AGBL1: variants seen among roughly 807,000 people sequenced by gnomAD.
AGBL1 encodes the protein cytosolic carboxypeptidase 4.
AGBL1 carries 130 observed loss-of-function variants against 118.9 expected under a neutral mutation model. That is an observed-to-expected ratio of 1.09 (90% CI 0.95 to 1.26). The LOEUF (loss-of-function observed/expected upper bound fraction) is 1.26. Among genes scored for constraint, AGBL1 ranks in the 50% most tolerant of loss-of-function variants. The pLI is 0.00. For missense variants in AGBL1, 1,584 were observed against 1,298.1 expected (o/e 1.22, Z -3.38); for synonymous variants, 555 against 478.9 (o/e 1.16, Z -2.08).
rs541617098 is a variant in AGBL1 at position 87,009,662 on chromosome 15, G to C, written c.3324-19163G>C. ...CACTCAATGCCAGCCCACAAAAGCA[G>C]CTGGGAGGGAGGCTCTACCCTGTGA... On this transcript the variant is annotated intron_variant, in intron 24 of 24. Coordinates refer to the AGBL1 transcript ENST00000441037. Among the ~76,000 whole-genome samples the C allele has an allele frequency of 1.5e-3, 229 of 152,320 alleles. 1 individual carries two copies. Among genetic ancestry groups the C allele is most frequent in the African/African-American group, 5.3e-3 (220 of 41,578 alleles).
At chr15:86,868,982 G>C (rs975376156) in intron 22 of AGBL1, among the ~76,000 whole-genome samples, 2 of 152,264 alleles carry the variant, frequency 1.3e-5, no homozygotes, top group Admixed American at 6.5e-5. Context: ...CCAATTCAAG[G>C]CCTTTAAATC....
chr15:86,248,035 A>G (rs1031901803), intron 7 of AGBL1, among the ~76,000 whole-genome samples, 156 bp downstream of exon 7: 12 of 152,216 alleles, frequency 7.9e-5, no homozygotes, highest in African/African-American at 2.7e-4. Context: ...GCTTCATTCC[A>G]GGCCAGGCCC....
chr15:86,417,318 T>TATG (rs1255279163), intron 18 of AGBL1, among the ~76,000 whole-genome samples: 1 of 152,198 alleles, frequency 6.6e-6, no homozygotes, highest in African/African-American at 2.4e-5. Context: ...TACCCTCATA[T>TATG]CACCTCTATA....
chr15:86,533,692 G>A (rs1409092070), intron 19 of AGBL1, among the ~76,000 whole-genome samples: 7 of 126,556 alleles, frequency 5.5e-5, no homozygotes, highest in African/African-American at 2.6e-4. Flanking sequence ...ATTCACAATA[G>A]CAAAGACTTG....
At chr15:87,013,503 A>ATAATC (rs1407014593) in intron 24 of AGBL1, among the ~76,000 whole-genome samples, 1 of 148,810 alleles carries the variant, frequency 6.7e-6, no homozygotes, top group Non-Finnish European at 1.5e-5. Flanking sequence ...GAGCAAAATA[A>ATAATC]TAATCTATTT....
At chr15:86,246,898 C>A (rs936427155) in intron 6 of AGBL1, among the ~76,000 whole-genome samples, 3 of 130,934 alleles carry the variant, frequency 2.3e-5, no homozygotes, top group African/African-American at 8.5e-5. Context: ...CAAATGACAA[C>A]CTCCGGGTCC....
At chr15:86,292,083 G>C (rs1046042386) in intron 16 of AGBL1, among the ~76,000 whole-genome samples, 2 of 152,148 alleles carry the variant, frequency 1.3e-5, no homozygotes, top group Non-Finnish European at 2.9e-5. Context: ...GCAGAATAAT[G>C]GACCTCCAAA....
At chr15:86,986,016 C>T (rs543782223) in intron 23 of AGBL1, among the ~76,000 whole-genome samples, 88 of 151,968 alleles carry the variant, frequency 5.8e-4, no homozygotes, top group Non-Finnish European at 9.3e-4. Context: ...TTCTGTCCCC[C>T]GGTTTCAAGC....
chr15:86,468,664 G>A (rs1449229981), intron 18 of AGBL1, among the ~76,000 whole-genome samples: 2 of 152,138 alleles, frequency 1.3e-5, no homozygotes, highest in Non-Finnish European at 2.9e-5. Flanking sequence ...TAAGGCTCCT[G>A]TGCTTATTAA....
rs1390873309 is a variant in AGBL1 at position 86,613,003 on chromosome 15, C to G, written c.2994+58466C>G. 6.6e-6 allele frequency among the ~76,000 whole-genome samples: 1 copy of G among 152,134 alleles called. No homozygotes were observed. Among genetic ancestry groups the G allele is most frequent in the Non-Finnish European group, 1.5e-5 (1 of 68,042 alleles). ...CCTTTCCAGGCCAAACCAATGTATA[C>G]CTTACATATAATGATTCATGTCTTT... On this transcript the variant is annotated intron_variant, in intron 21 of 22. Coordinates refer to ENST00000614907, the MANE Select transcript of AGBL1 (RefSeq NM_001386094.1). This position sits in a 1 kb window ranked among gnomAD's most constrained non-coding sequence, Gnocchi z 4.2.
chr15:86,827,443 GTGTGTGTATATA>G lies in AGBL1; in HGVS notation c.3159-79642_3159-79631del, dbSNP rs1567194824. 4.0e-3 allele frequency among the ~76,000 whole-genome samples: 18 copies of G among 4,554 alleles called. 3 individuals carry two copies. Among genetic ancestry groups the G allele is most frequent in the African/African-American group, 5.5e-3 (7 of 1,276 alleles). 3.0% of individuals were successfully genotyped at this position (4,554 alleles called of 152,430 possible). On this transcript the variant is annotated intron_variant, in intron 22 of 22. Transcript: ENST00000614907. ...TATATATATATACACATATATATAT[GTGTGTGTATATA>G]TATATATATATATACATATATATAT...
rs568192443 is a variant in AGBL1 at position 86,857,431 on chromosome 15, G to T, written c.3159-49656G>T. On this transcript the variant is annotated intron_variant, in intron 22 of 22. Transcript: ENST00000614907. ...ATCCATGCCTCCTTGCTCCAGCCAT[G>T]TGGCCTTCTTTCATCTGTTTTCACA... 2.6e-5 allele frequency among the ~76,000 whole-genome samples: 4 copies of T among 152,240 alleles called. No individual in the cohort carries two copies. The South Asian group carries it at 8.3e-4, about 32-fold the overall frequency.
At chr15:86,352,815 T>A (rs1218724062) in intron 17 of AGBL1, among the ~76,000 whole-genome samples, 1 of 152,150 alleles carries the variant, frequency 6.6e-6, no homozygotes, top group African/African-American at 2.4e-5. Context: ...GGCCCATGGT[T>A]TGGGCCTCTC....
chr15:86,574,052 A>C (rs568800531), intron 21 of AGBL1, among the ~76,000 whole-genome samples: 147 of 152,250 alleles, frequency 9.7e-4, no homozygotes, highest in African/African-American at 2.6e-3. Flanking sequence ...AACAAACAAA[A>C]AAAAACCATA....
Position 86,915,356 on chromosome 15 carries a change from C to G in AGBL1, c.*8062C>G, listed in dbSNP as rs922696634. ...ATGCAGACAGGACCTAGTGCTTGAG[C>G]CTTTTCAGATCCAGCCACTACGTAA... On this transcript the variant is annotated 3_prime_UTR_variant, in exon 23 of 23. Coordinates refer to ENST00000614907, the MANE Select transcript of AGBL1 (RefSeq NM_001386094.1). 2.6e-5 allele frequency: 4 copies of G among 152,188 alleles called. No homozygotes were observed. Among genetic ancestry groups the G allele is most frequent in the Non-Finnish European group, 5.9e-5 (4 of 68,040 alleles). The allele number at this position is 152,188 out of a possible 1,614,324, so 9.4% of individuals were successfully genotyped here.
In AGBL1 at chr15:86,623,480, G is replaced by A. The variant is rs111288394; in HGVS notation, c.2995-50793G>A. ...CTAGGATATGCAGAACTTTTGCCTCGTTTTCCAACTCTAGGTTCTCTCTAC... is the reference window on the plus strand; with the variant it reads ...CTAGGATATGCAGAACTTTTGCCTCATTTTCCAACTCTAGGTTCTCTCTAC... On this transcript the variant is annotated intron_variant, in intron 21 of 22. Transcript: ENST00000614907. Among the ~76,000 whole-genome samples, 12 of 152,316 alleles carry A rather than the reference G, an allele frequency of 7.9e-5. No homozygotes were observed. The South Asian group carries it at 8.3e-4, about 11-fold the overall frequency.
chr15:86,573,642 A>G (rs1200215488), intron 21 of AGBL1, among the ~76,000 whole-genome samples: 1 of 152,300 alleles, frequency 6.6e-6, no homozygotes, highest in African/African-American at 2.4e-5. Context: ...TAGGGTATGC[A>G]TCCTGCTGGA....
At chr15:86,155,591 T>C (rs969727368) in intron 4 of AGBL1, among the ~76,000 whole-genome samples, 8 of 152,226 alleles carry the variant, frequency 5.3e-5, no homozygotes, top group African/African-American at 1.9e-4. Context: ...ATACCTTCTA[T>C]CTGATATGTA....
At chr15:86,472,598 G>A (rs181938597) in intron 18 of AGBL1, among the ~76,000 whole-genome samples, 81 of 152,260 alleles carry the variant, frequency 5.3e-4, no homozygotes, top group African/African-American at 1.9e-3. Context: ...CATGCTAATT[G>A]GAGAACATTT....
Sources: allele counts gnomAD v4.1 joint callset (sites outside exome capture counted in the v4.1 genomes callset), GRCh38; gene constraint gnomAD v4.1.1; non-coding constraint Gnocchi (gnomAD v3.1); transcripts MANE v1.5; gene names NCBI Gene and HGNC (gene_info 2026-07-23, HGNC 2026-07-21).